PRR33: variants seen among roughly 807,000 people sequenced by gnomAD.
PRR33 encodes the protein proline rich 33, also known as proline-rich protein 33.
In PRR33, 1 loss-of-function variant was observed where a neutral mutation model predicts 0.5. That is an observed-to-expected ratio of 2.18 (90% confidence interval 0.77 to 10.34). The LOEUF (loss-of-function observed/expected upper bound fraction) is 10.34, where lower values mean the gene tolerates loss of function less well. PRR33 is among the 30% of genes most tolerant of loss of function. The probability of loss-of-function intolerance (pLI) is 0.13; values close to 1 mark genes in which losing one functional copy is unlikely to be tolerated. For synonymous variants in PRR33, 226 were observed against 110.0 expected (o/e 2.06, Z -6.60); for missense variants, 552 against 251.8 (o/e 2.19, Z -8.07).
At chr11:1,915,880 G>A in the PRR33 span, among the ~76,000 whole-genome samples, 1 of 151,610 alleles carries the variant, frequency 6.6e-6, no homozygotes, top group African/African-American at 2.4e-5. Flanking sequence ...GTAGATGGAT[G>A]GGTAGATAGA....
the PRR33 span, among the ~76,000 whole-genome samples, chr11:1,915,347 T>C: frequency 6.6e-6 from 1 of 151,588 alleles, no homozygotes; most frequent in East Asian, 2.0e-4. Context: ...TGTATGTGTG[T>C]GTCTGTGTGT....
the PRR33 span, among the ~76,000 whole-genome samples, chr11:1,902,226 T>C: frequency 7.6e-5 from 10 of 131,992 alleles, no homozygotes; most frequent in East Asian, 6.4e-4. Flanking sequence ...AGTGAGACTC[T>C]ATCTCAAAAA....
chr11:1,904,659 C>A, the PRR33 span, among the ~76,000 whole-genome samples: 1 of 151,718 alleles, frequency 6.6e-6, no homozygotes, highest in Non-Finnish European at 1.5e-5. Context: ...ACCAGCGTGC[C>A]ACCACACCCA....
At chr11:1,902,931 G>A in the PRR33 span, among the ~76,000 whole-genome samples, 2 of 152,030 alleles carry the variant, frequency 1.3e-5, no homozygotes, top group East Asian at 1.9e-4. Context: ...ACGTTGCCAC[G>A]GCATCTGTAA....
exon 1 of PRR33, chr11:1,891,638 G>C (rs1416423998): frequency 1.3e-5 from 2 of 153,780 alleles, no homozygotes; most frequent in East Asian, 1.9e-4. Context: ...GTGGTGGAGT[G>C]GGGGTGTGGG....
chr11:1,890,565 G>A, exon 1 of PRR33: 2 of 710,316 alleles, frequency 2.8e-6, no homozygotes, highest in Non-Finnish European at 5.2e-6. Flanking sequence ...GGGTGCCATC[G>A]ACGCAGCCGA....
the PRR33 span, among the ~76,000 whole-genome samples, chr11:1,904,007 C>T: frequency 5.3e-5 from 8 of 152,200 alleles, no homozygotes; most frequent in Admixed American, 3.3e-4. Context: ...GTTTCTGTCA[C>T]GACTTCTGAA....
At chr11:1,905,549 G>C in the PRR33 span, among the ~76,000 whole-genome samples, 1 of 148,448 alleles carries the variant, frequency 6.7e-6, no homozygotes, top group Non-Finnish European at 1.5e-5. Context: ...AACGATCCTC[G>C]TGCCTCAGCC....
Position 1,889,499 on chromosome 11 carries a change from C to G in PRR33, c.1086G>C (p.Gln362His), listed in dbSNP as rs1203394597. Reference sequence around the variant, plus strand: ...GGGTGGGCACCTCTGGCTCCAGGCTCTGCCGCGGCTCTGGGCACGGAGGCT... The same window carrying G: ...GGGTGGGCACCTCTGGCTCCAGGCTGTGCCGCGGCTCTGGGCACGGAGGCT... Residue 362 changes from glutamine to histidine, a missense_variant, in exon 1 of 1, where the codon CAG (glutamine) becomes CAC (histidine). Coordinates refer to ENST00000640310, the Ensembl canonical transcript of PRR33. 6.5e-6 allele frequency: 4 copies of G among 618,634 alleles called. No individual in the cohort carries two copies. The East Asian group carries it at 8.5e-5, about 13-fold the overall frequency. 38.3% of individuals were successfully genotyped at this position (618,634 alleles called of 1,614,324 possible). A position where few individuals can be genotyped will look rare whatever the true frequency, so the allele number is the denominator to read the frequency against.
the PRR33 span, among the ~76,000 whole-genome samples, chr11:1,916,744 G>A: frequency 1.3e-5 from 2 of 152,128 alleles, no homozygotes; most frequent in African/African-American, 4.8e-5. Context: ...AGGACCCAGG[G>A]CCTGTCCCTC....
Position 1,889,900 on chromosome 11 carries a change from G to A in PRR33, c.685C>T (p.Arg229Cys), listed in dbSNP as rs758223343. Residue 229 changes from arginine (R) to cysteine (C), a missense_variant, in exon 1 of 1, where the codon CGC becomes TGC. Physicochemically the swap from Arg to Cys is radical, Grantham distance 180. Transcript: ENST00000640310. ...GCCTGGACTGTGGTGGGCAGTGGGCGGATGTGAGCCACTGGGACCAGGGGC... is the reference window on the plus strand; with the variant it reads ...GCCTGGACTGTGGTGGGCAGTGGGCAGATGTGAGCCACTGGGACCAGGGGC... 104 of 627,148 alleles carry A rather than the reference G, an allele frequency of 1.7e-4. 1 individual carries two copies. Among genetic ancestry groups the A allele is most frequent in the South Asian group, 3.2e-4 (17 of 53,066 alleles). 38.8% of individuals were successfully genotyped at this position (627,148 alleles called of 1,614,324 possible).
chr11:1,895,740 TTC>T (rs747634440), upstream of PRR33, among the ~76,000 whole-genome samples: 34 of 152,372 alleles, frequency 2.2e-4, 1 homozygote, highest in Non-Finnish European at 3.7e-4. Flanking sequence ...CAAATTATTC[TTC>T]TTTTTCTTTT....
chr11:1,901,849 A>T, the PRR33 span, among the ~76,000 whole-genome samples: 1 of 152,276 alleles, frequency 6.6e-6, no homozygotes, highest in Non-Finnish European at 1.5e-5. Context: ...GTGGAGATGT[A>T]AATTTCTTTC....
At chr11:1,915,175 C>T in the PRR33 span, among the ~76,000 whole-genome samples, 1 of 108,674 alleles carries the variant, frequency 9.2e-6, no homozygotes, top group Non-Finnish European at 1.9e-5. Context: ...GTTCTGGGGC[C>T]ACACAACTGG....
the PRR33 span, among the ~76,000 whole-genome samples, chr11:1,915,573 C>T: frequency 5.0e-5 from 1 of 19,854 alleles, no homozygotes; most frequent in Admixed American, 8.9e-4. Flanking sequence ...TCTGTGTGTG[C>T]ATGTGTTGGG....
the PRR33 span, among the ~76,000 whole-genome samples, chr11:1,905,061 T>TTAA: frequency 1.3e-5 from 2 of 151,982 alleles, no homozygotes; most frequent in African/African-American, 4.8e-5. Context: ...CACTTTGGGT[T>TTAA]TAATTTGCTT....
At chr11:1,891,084 T>G in exon 1 of PRR33, 1 of 157,692 alleles carries the variant, frequency 6.3e-6, no homozygotes, top group Admixed American at 6.0e-5. Context: ...GCGCGTCCGC[T>G]GCGAGCCAGC....
upstream of PRR33, among the ~76,000 whole-genome samples, chr11:1,893,773 A>G (rs952231560): frequency 7.4e-5 from 11 of 147,856 alleles, no homozygotes; most frequent in African/African-American, 1.0e-4. Flanking sequence ...ATGAGAGTGG[A>G]TGGACAGGTG....
the PRR33 span, among the ~76,000 whole-genome samples, chr11:1,902,397 T>G: frequency 6.6e-6 from 1 of 152,158 alleles, no homozygotes; most frequent in African/African-American, 2.4e-5. Context: ...CGTGGGTGGA[T>G]CTGAAGTAAA....
Sources: gnomAD v4.1 joint callset for allele counts (sites outside exome capture counted in the v4.1 genomes callset) on GRCh38, gnomAD v4.1.1 for gene constraint, MANE v1.5 for transcripts, NCBI Gene and HGNC (gene_info 2026-07-23, HGNC 2026-07-21) for gene names.